SPNS3: variants seen among roughly 807,000 people sequenced by gnomAD.
The protein encoded by SPNS3 is SPNS lysolipid transporter 3, sphingosine-1-phosphate (putative).
In SPNS3, 51 loss-of-function variants were observed where a neutral mutation model predicts 54.4. The observed-to-expected ratio is 0.94, with a 90% CI of 0.75 to 1.18. The LOEUF (loss-of-function observed/expected upper bound fraction) is 1.18. Ranked by LOEUF, SPNS3 falls within the 50% of genes most tolerant of loss-of-function variation. The pLI is 0.00. For missense variants in SPNS3, 669 were observed against 677.4 expected (o/e 0.99, Z 0.14); for synonymous variants, 309 against 294.7 (o/e 1.05, Z -0.50).
chr17:4,474,919 C>T (rs145256402), intron 8 of SPNS3, among the ~76,000 whole-genome samples: 6 of 152,184 alleles, frequency 3.9e-5, no homozygotes, highest in Admixed American at 1.3e-4. Flanking sequence ...GTGAGTTCTT[C>T]GTGTGTGTCT....
chr17:4,434,099 C>G lies in SPNS3; in HGVS notation c.132C>G (p.Ala44=). ...CCTGGAGCCTGCCCCCGTGGAGGGC[C>G]TACGTGGCTGCCGCCGTCCTCTGCT... ...PTSWSLPPWR[A]YVAAAVLCYI... Residue 44 remains alanine, a synonymous_variant, in exon 1 of 12, where the codon GCC becomes GCG. Coordinates refer to ENST00000355530, the MANE Select transcript of SPNS3 (RefSeq NM_182538.5). The G allele has an allele frequency of 6.2e-7, 1 of 1,612,518 alleles. No homozygotes were observed. Among genetic ancestry groups the G allele is most frequent in the Non-Finnish European group, 8.5e-7 (1 of 1,179,366 alleles).
intron 8 of SPNS3, among the ~76,000 whole-genome samples, chr17:4,460,208 T>G (rs138193113): frequency 6.6e-6 from 1 of 152,204 alleles, no homozygotes; most frequent in East Asian, 1.9e-4. Context: ...TGCCAGATCA[T>G]GTAGGATGTT....
In SPNS3 at chr17:4,445,082, G is replaced by C. The variant is rs1031255033; in HGVS notation, c.316G>C (p.Asp106His). Residue 106 changes from aspartate to histidine, a missense_variant, in exon 3 of 12, where the codon GAC (aspartate) becomes CAC (histidine). Asp to His is a moderately conservative substitution (Grantham distance 81, BLOSUM62 -1). Transcript: ENST00000355530. ...LSAPVFGYLG[D>H]RHSRKATMSF... The stretch of plus-strand genomic sequence containing the variant: ...TGCACCTGTGTTTGGCTACCTGGGC[G>C]ACCGACATAGCCGCAAGGCTACCAT... 6.2e-7 allele frequency: 1 copy of C among 1,614,126 alleles called. No individual in the cohort carries two copies. Among genetic ancestry groups the C allele is most frequent in the African/African-American group, 1.3e-5 (1 of 75,056 alleles).
At chr17:4,458,526 G>GCCTT (rs375358903) in intron 8 of SPNS3, among the ~76,000 whole-genome samples, 1,950 of 57,968 alleles carry the variant, frequency 0.034, 110 homozygotes, top group African/African-American at 0.079. Flanking sequence ...CCTCCCACCC[G>GCCTT]CCTTCCTTCC....
chr17:4,441,154 C>A (rs533674847), intron 2 of SPNS3, among the ~76,000 whole-genome samples: 2 of 152,282 alleles, frequency 1.3e-5, no homozygotes, highest in African/African-American at 4.8e-5. Flanking sequence ...GGCAACGATT[C>A]AAACTTGGGA....
At chr17:4,472,158 C>T (rs1971872297) in intron 8 of SPNS3, among the ~76,000 whole-genome samples, 1 of 152,184 alleles carries the variant, frequency 6.6e-6, no homozygotes, top group African/African-American at 2.4e-5. Context: ...TGCGCCTGGC[C>T]AAGTTGGATT....
In SPNS3 at chr17:4,448,152, C is replaced by G; in HGVS notation, c.622-3C>G. ...TGAGCTTCCTGGGCCCTCCTGTCCC[C>G]AGGTCATGCCCTGCCTGGAGGCCGT... On this transcript the variant is annotated splice_region_variant and splice_polypyrimidine_tract_variant and intron_variant, in intron 5 of 11. Transcript: ENST00000355530. 6.3e-7 allele frequency: 1 copy of G among 1,582,538 alleles called. No homozygotes were observed. The highest frequency in any genetic ancestry group is 2.3e-5 in the East Asian group (1 of 42,592).
At position 4,468,693 on chromosome 17, in the gene SPNS3, CTCTTT is replaced by C. The variant is rs1489322752; in HGVS notation, c.1114-9873_1114-9869del. On this transcript the variant is annotated intron_variant, in intron 8 of 11. Transcript: ENST00000355530. ...TGCTTCTTAGGACATTCAACTGGAC[CTCTTT>C]TCTTTATTTCTCTCTCTCTTTCTTT... is the stretch of plus-strand genomic sequence containing the variant. Among the ~76,000 whole-genome samples, 3 of 139,902 alleles carry C rather than the reference CTCTTT, an allele frequency of 2.1e-5. No homozygotes were observed. The East Asian group carries it at 7.1e-4, about 33-fold the overall frequency. The allele number at this position is 139,902 out of a possible 152,430, so 91.8% of individuals were successfully genotyped here. A position where few individuals can be genotyped will look rare whatever the true frequency, so the allele number is the denominator to read the frequency against.
At chr17:4,453,278 T>G in intron 8 of SPNS3, 73 bp downstream of exon 8, 1 of 1,416,336 alleles carries the variant, frequency 7.1e-7, no homozygotes, top group Non-Finnish European at 9.6e-7. Context: ...AGGCTCATGC[T>G]GCGCCCGGCC....
At chr17:4,436,974 C>G (rs1597297812) in intron 1 of SPNS3, among the ~76,000 whole-genome samples, 2 of 152,204 alleles carry the variant, frequency 1.3e-5, no homozygotes, top group Admixed American at 1.3e-4. Flanking sequence ...CCTGGAGGTC[C>G]CTGGCTGGGC....
At chr17:4,458,634 TTTC>T (rs1443091494) in intron 8 of SPNS3, among the ~76,000 whole-genome samples, 17 of 136,740 alleles carry the variant, frequency 1.2e-4, no homozygotes, top group Admixed American at 1.5e-4. Flanking sequence ...TCTTTCTTTC[TTTC>T]TTTCTTTCTT....
At position 4,461,361 on chromosome 17, in the gene SPNS3, C is replaced by CTTTTTTTTTTTTTTTTTTTTT. The variant is rs55928003; in HGVS notation, c.1113+8162_1113+8182dup. Reference sequence around the variant, plus strand: ...TATTTGCTTTCTTTTCTTTTCTTTTCTTTTTTTTTTTTTTTTTTTTTTTTT... The same window carrying CTTTTTTTTTTTTTTTTTTTTT: ...TATTTGCTTTCTTTTCTTTTCTTTTCTTTTTTTTTTTTTTTTTTTTTTTTTTTTTTTTTTTTTTTTTTTTTT... On this transcript the variant is annotated intron_variant, in intron 8 of 11. Transcript: ENST00000355530. Among the ~76,000 whole-genome samples, 25 of 33,398 alleles carry CTTTTTTTTTTTTTTTTTTTTT rather than the reference C, an allele frequency of 7.5e-4. 3 individuals carry two copies. Among genetic ancestry groups the CTTTTTTTTTTTTTTTTTTTTT allele is most frequent in the Admixed American group, 2.5e-3 (5 of 2,034 alleles). 21.9% of individuals were successfully genotyped at this position (33,398 alleles called of 152,430 possible). A position where few individuals can be genotyped will look rare whatever the true frequency, so the allele number is the denominator to read the frequency against.
chr17:4,478,659 G>A (rs1363619028), intron 9 of SPNS3, 22 bp downstream of exon 9: 2 of 1,576,320 alleles, frequency 1.3e-6, no homozygotes, highest in Middle Eastern at 1.7e-4. Context: ...AGTCGGGGTG[G>A]TGGGCTGAGC....
At chr17:4,438,710 G>A (rs1970774691) in intron 1 of SPNS3, among the ~76,000 whole-genome samples, 1 of 152,248 alleles carries the variant, frequency 6.6e-6, no homozygotes, top group Non-Finnish European at 1.5e-5. Flanking sequence ...GCATGAGCGA[G>A]GCCACTGTGC....
At chr17:4,464,762 C>A (rs1306197461) in intron 8 of SPNS3, among the ~76,000 whole-genome samples, 5 of 152,124 alleles carry the variant, frequency 3.3e-5, no homozygotes, top group Admixed American at 2.0e-4. Flanking sequence ...CTCACTGCAA[C>A]CTCCGCCTCC....
chr17:4,455,686 C>T (rs1365613715), intron 8 of SPNS3, among the ~76,000 whole-genome samples: 1 of 152,202 alleles, frequency 6.6e-6, no homozygotes, highest in Non-Finnish European at 1.5e-5. Flanking sequence ...CTCTCCCCTC[C>T]CACGACACTG....
At chr17:4,435,339 T>G (rs145641538) in intron 1 of SPNS3, among the ~76,000 whole-genome samples, 7,658 of 150,660 alleles carry the variant, frequency 0.051, 240 homozygotes, top group East Asian at 0.12. Context: ...AGAGAATTGC[T>G]TGAACCTGGG....
At position 4,483,370 on chromosome 17, in the gene SPNS3, C is replaced by T. The variant is rs990710094; in HGVS notation, c.1180-2858C>T. 6.6e-6 allele frequency: 1 copy of T among 152,282 alleles called. No individual in the cohort carries two copies. The highest frequency in any genetic ancestry group is 1.5e-5 in the Non-Finnish European group (1 of 68,096). 9.4% of individuals were successfully genotyped at this position (152,282 alleles called of 1,614,324 possible). A position where few individuals can be genotyped will look rare whatever the true frequency, so the allele number is the denominator to read the frequency against. On this transcript the variant is annotated intron_variant, in intron 9 of 11. Coordinates refer to ENST00000355530, the MANE Select transcript of SPNS3 (RefSeq NM_182538.5). This position sits in a 1 kb window ranked among gnomAD's most constrained non-coding sequence, Gnocchi z 4.2. ...CTTATTTCTGAAATTACCCCCTGGG[C>T]TCTCCAGCTTCTGTGGGCCCAGCCT... is the stretch of plus-strand genomic sequence containing the variant.
chr17:4,437,723 A>G lies in SPNS3; in HGVS notation c.200-1935A>G, dbSNP rs575722233. On this transcript the variant is annotated intron_variant, in intron 1 of 11. Transcript: ENST00000355530. The stretch of plus-strand genomic sequence containing the variant: ...CAAAATATTAAAAGGGGAAAAAGAC[A>G]TAACAGTTTGTATGCCAGGTTGCAG... 2.0e-5 allele frequency among the ~76,000 whole-genome samples: 3 copies of G among 152,276 alleles called. No homozygotes were observed. In the East Asian group the frequency reaches 5.8e-4, roughly 29 times the overall value.
Sources: allele counts gnomAD v4.1 joint callset (sites outside exome capture counted in the v4.1 genomes callset), GRCh38; gene constraint gnomAD v4.1.1; non-coding constraint Gnocchi (gnomAD v3.1); transcripts MANE v1.5; gene names NCBI Gene and HGNC (gene_info 2026-07-23, HGNC 2026-07-21).